KIF13B: variants seen among roughly 807,000 people sequenced by gnomAD.
KIF13B encodes kinesin-like protein KIF13B.
A neutral mutation model predicts 222.0 loss-of-function variants in KIF13B; 127 were observed. The observed-to-expected ratio is 0.57, with a 90% CI of 0.50 to 0.66. KIF13B has a LOEUF of 0.66. KIF13B is among the 30% of genes least tolerant of loss of function. KIF13B has a pLI of 0.00. For synonymous variants in KIF13B, 976 were observed against 919.0 expected, an observed-to-expected ratio of 1.06 and a Z score of -1.12; for missense variants, 2,173 against 2,379.0, an observed-to-expected ratio of 0.91 and a Z score of 1.80.
At position 29,179,497 on chromosome 8, in the gene KIF13B, A is replaced by G. The variant is rs188088800; in HGVS notation, c.720+607T>C. Among the ~76,000 whole-genome samples, 386 of 152,330 alleles carry G rather than the reference A, an allele frequency of 2.5e-3. 5 individuals are homozygous for G. Among genetic ancestry groups the G allele is most frequent in the African/African-American group, 8.8e-3 (365 of 41,580 alleles). ...AAACTGCTGGGGCAGACAGTGGGCC[A>G]TCGGTGCACTTAACTTCTGCTCCAC... On this transcript the variant is annotated intron_variant, in intron 8 of 39. Coordinates refer to ENST00000524189, the MANE Select transcript of KIF13B (RefSeq NM_015254.4).
chr8:29,248,347 C>CA (rs1186218032), intron 1 of KIF13B, among the ~76,000 whole-genome samples: 2 of 151,952 alleles, frequency 1.3e-5, no homozygotes, highest in East Asian at 1.9e-4. Context: ...CACTACTGAG[C>CA]AAAAAAACGA....
In KIF13B at chr8:29,130,594, C is replaced by A; in HGVS notation, c.3014G>T (p.Cys1005Phe). 1 of 1,613,328 alleles carries A rather than the reference C, an allele frequency of 6.2e-7. No individual in the cohort carries two copies. Among genetic ancestry groups the A allele is most frequent in the Non-Finnish European group, 8.5e-7 (1 of 1,179,266 alleles). Residue 1005 changes from cysteine (C) to phenylalanine (F), a missense_variant, in exon 24 of 40, where the codon TGC (cysteine) becomes TTC (phenylalanine). Around this residue, in one of 2 missense-constraint regions of KIF13B, gnomAD observed 1,480 missense variants for 1,722.8 expected, o/e 0.86. Coordinates refer to ENST00000524189, the MANE Select transcript of KIF13B (RefSeq NM_015254.4). ...ILEQNENGEY[C>F]PVEVISAKDV... ...CTTTGCAGAAATCACTTCTACAGGG[C>A]AGTATTCACCATTCTCATTCTGTTC...
Position 29,147,411 on chromosome 8 carries a change from T to C in KIF13B, c.2005A>G (p.Arg669Gly). 1 of 1,607,388 alleles carries C rather than the reference T, an allele frequency of 6.2e-7. No individual in the cohort carries two copies. The highest frequency in any genetic ancestry group is 8.5e-7 in the Non-Finnish European group (1 of 1,176,996). ...FHSPSAQQRL[R>G]QWAEEREATL... The stretch of plus-strand genomic sequence containing the variant: ...GCCTACCTCTCCTCAGCCCACTGTC[T>C]TAAGCGTTGCTGAGCGCTGGGCGAG... Residue 669 changes from arginine (R) to glycine (G), a missense_variant, in exon 17 of 40, where the codon AGA (arginine) becomes GGA (glycine). By Grantham distance (125) the Arg-to-Gly change is moderately radical. This residue lies in a region of KIF13B where 1,480 missense variants were observed against 1,722.8 expected (regional missense o/e 0.86). Coordinates refer to ENST00000524189, the MANE Select transcript of KIF13B (RefSeq NM_015254.4).
chr8:29,140,764 T>A (rs1810783268), intron 19 of KIF13B, 147 bp from the exon 20 acceptor site: 1 of 754,900 alleles, frequency 1.3e-6, no homozygotes, highest in Non-Finnish European at 2.1e-6. Context: ...CATTCTAAAG[T>A]TTTTGCTAAA....
chr8:29,068,689 C>T lies in KIF13B; in HGVS notation c.*1815G>A, dbSNP rs1807112842. On this transcript the variant is annotated 3_prime_UTR_variant, in exon 40 of 40. Coordinates refer to ENST00000524189, the MANE Select transcript of KIF13B (RefSeq NM_015254.4). The surrounding 1 kb of genome is among the most constrained non-coding windows in gnomAD (Gnocchi z 4.4). ...CCACTACACGGCCCAGGCGTTTCCC[C>T]TCAGGGCAGCAGCAGTGCTGGCCTC... 6.6e-6 allele frequency: 1 copy of T among 152,324 alleles called. No homozygotes were observed. Among genetic ancestry groups the T allele is most frequent in the Non-Finnish European group, 1.5e-5 (1 of 68,106 alleles). The allele number at this position is 152,324 out of a possible 1,614,324, so 9.4% of individuals were successfully genotyped here.
chr8:29,138,516 T>C (rs1009753878), intron 21 of KIF13B: 1 of 152,206 alleles, frequency 6.6e-6, no homozygotes, highest in African/African-American at 2.4e-5. Context: ...AACAAAATGA[T>C]GCATCTAGGT....
intron 14 of KIF13B, 140 bp downstream of exon 14, chr8:29,155,586 G>C (rs1293461615): frequency 3.1e-6 from 2 of 653,802 alleles, no homozygotes; most frequent in Non-Finnish European, 5.3e-6. Flanking sequence ...AGGCATTAAA[G>C]CTAAATGTAA....
intron 38 of KIF13B, among the ~76,000 whole-genome samples, chr8:29,073,049 G>A (rs1391392953): frequency 1.3e-5 from 2 of 148,962 alleles, no homozygotes; most frequent in East Asian, 4.0e-4. Context: ...TGGGCATCCC[G>A]AGCAAGGCAG....
chr8:29,253,828 CAAA>C (rs1163069689), intron 1 of KIF13B, among the ~76,000 whole-genome samples: 160 of 21,536 alleles, frequency 7.4e-3, no homozygotes, highest in African/African-American at 0.02. Context: ...GAGACTGTCT[CAAA>C]AAAAAAAAAA....
At chr8:29,122,815 T>C (rs1809935561) in intron 28 of KIF13B, among the ~76,000 whole-genome samples, 169 bp from the exon 29 acceptor site, 2 of 152,226 alleles carry the variant, frequency 1.3e-5, no homozygotes, top group Non-Finnish European at 2.9e-5. Context: ...GCCTCCACTG[T>C]AGCTGCTGCT....
intron 12 of KIF13B, among the ~76,000 whole-genome samples, 153 bp from the exon 13 acceptor site, chr8:29,161,020 C>A (rs1811753359): frequency 6.6e-6 from 1 of 152,158 alleles, no homozygotes; most frequent in Non-Finnish European, 1.5e-5. Context: ...GCATTTTTCT[C>A]TTTCCAAACT....
In KIF13B at chr8:29,205,809, G is replaced by T. The variant is rs115024297; in HGVS notation, c.150-9610C>A. Among the ~76,000 whole-genome samples the T allele has an allele frequency of 6.6e-3, 1,006 of 152,110 alleles. 10 individuals are homozygous for T. Among genetic ancestry groups the T allele is most frequent in the African/African-American group, 0.023 (971 of 41,492 alleles). ...ACTTCAAATTAAAAAGAGGCCAGGC[G>T]TGGTGGCTCACACCTGTAATCCCAA... On this transcript the variant is annotated intron_variant, in intron 2 of 39. Transcript: ENST00000524189.
At chr8:29,089,799 C>T (rs575362767) in intron 37 of KIF13B, among the ~76,000 whole-genome samples, 70 of 148,784 alleles carry the variant, frequency 4.7e-4, no homozygotes, top group African/African-American at 1.6e-3. Flanking sequence ...GAGGAGGAGG[C>T]AGAAGAATCC....
At chr8:29,195,204 C>T (rs1175122513) in intron 3 of KIF13B, among the ~76,000 whole-genome samples, 3 of 152,036 alleles carry the variant, frequency 2.0e-5, no homozygotes, top group East Asian at 1.9e-4. Flanking sequence ...GCCAAGATCA[C>T]GCCACCGCAC....
At chr8:29,106,177 T>C (rs570354176) in intron 35 of KIF13B, among the ~76,000 whole-genome samples, 4 of 152,324 alleles carry the variant, frequency 2.6e-5, no homozygotes, top group Admixed American at 6.5e-5. Flanking sequence ...TAATCAAACC[T>C]ATCACTGGCA....
intron 7 of KIF13B, 69 bp from the exon 8 acceptor site, chr8:29,180,307 T>C (rs1353801281): frequency 1.3e-6 from 2 of 1,489,694 alleles, no homozygotes; most frequent in Non-Finnish European, 1.9e-6. Flanking sequence ...CCTGCTATAC[T>C]ACAAAATTCA....
intron 2 of KIF13B, among the ~76,000 whole-genome samples, chr8:29,206,063 T>G (rs1813919751): frequency 6.6e-6 from 1 of 151,954 alleles, no homozygotes; most frequent in Non-Finnish European, 1.5e-5. Context: ...TGAACTCTAG[T>G]CGGGATAACA....
intron 14 of KIF13B, among the ~76,000 whole-genome samples, chr8:29,151,566 G>A (rs1811298698): frequency 6.6e-6 from 1 of 152,152 alleles, no homozygotes; most frequent in Admixed American, 6.6e-5. Context: ...AAATCCTAGG[G>A]CCCTTAAGAA....
At chr8:29,083,885 G>T (rs1271298347) in intron 37 of KIF13B, among the ~76,000 whole-genome samples, 1 of 152,048 alleles carries the variant, frequency 6.6e-6, no homozygotes, top group African/African-American at 2.4e-5. Flanking sequence ...TAAGAAAAAT[G>T]AAGGCTGGGA....
Sources: gnomAD v4.1 joint callset for allele counts (sites outside exome capture counted in the v4.1 genomes callset) on GRCh38, gnomAD v4.1.1 for gene constraint, gnomAD v4.1.1 regional missense constraint, Gnocchi (gnomAD v3.1) non-coding constraint, MANE v1.5 for transcripts, NCBI Gene and HGNC (gene_info 2026-07-23, HGNC 2026-07-21) for gene names.